Variants in RIN2 observed in about 807,000 individuals in gnomAD.
RIN2 encodes the protein Ras and Rab interactor 2, also known as RAB5 interacting protein 2.
In RIN2, 36 loss-of-function variants were observed where a neutral mutation model predicts 78.0. The observed-to-expected ratio is 0.46, with a 90% CI of 0.35 to 0.61. The LOEUF (loss-of-function observed/expected upper bound fraction) is 0.61. Among genes scored for constraint, RIN2 ranks in the 20% least tolerant of loss-of-function variants. The probability of loss-of-function intolerance (pLI) is 0.00; values close to 1 mark genes in which losing one functional copy is unlikely to be tolerated. For missense variants in RIN2, 1,087 were observed against 1,159.7 expected (o/e 0.94, Z 0.91); for synonymous variants, 466 against 466.8 (o/e 1.00, Z 0.02).
At chr20:19,826,975 GTT>G (rs11482314) in intron 2 of RIN2, among the ~76,000 whole-genome samples, 3 of 128,644 alleles carry the variant, frequency 2.3e-5, no homozygotes, top group East Asian at 2.2e-4. Flanking sequence ...TTGGTTTTGG[GTT>G]TTTTTTTTTT....
At chr20:19,827,228 G>A (rs547292083) in intron 2 of RIN2, among the ~76,000 whole-genome samples, 10 of 152,014 alleles carry the variant, frequency 6.6e-5, no homozygotes, top group South Asian at 2.1e-4. Context: ...TGCCTGCCTC[G>A]GCCTCCCAAA....
chr20:19,810,985 A>G (rs12480405), intron 2 of RIN2, among the ~76,000 whole-genome samples: 20,477 of 151,170 alleles, frequency 0.14, 1,811 homozygotes, highest in African/African-American at 0.25. Flanking sequence ...TGCTGGGATT[A>G]CAGGCGTGAA....
At chr20:19,860,798 T>C (rs2037310557) in intron 2 of RIN2, among the ~76,000 whole-genome samples, 1 of 152,228 alleles carries the variant, frequency 6.6e-6, no homozygotes, top group South Asian at 2.1e-4. Flanking sequence ...CTCACTGGAC[T>C]ATGAGCATAT....
chr20:19,865,682 G>A (rs1286018684), intron 2 of RIN2, among the ~76,000 whole-genome samples: 3 of 151,636 alleles, frequency 2.0e-5, no homozygotes, highest in African/African-American at 7.3e-5. Flanking sequence ...TTGTACAGAT[G>A]GAGGGTCTCA....
At chr20:19,906,703 C>G (rs2123688611) in intron 3 of RIN2, among the ~76,000 whole-genome samples, 1 of 152,286 alleles carries the variant, frequency 6.6e-6, no homozygotes, top group East Asian at 1.9e-4. Flanking sequence ...TTTCAAGAAG[C>G]TGGAAACCTG....
intron 7 of RIN2, among the ~76,000 whole-genome samples, chr20:19,965,462 T>C (rs2041908678): frequency 6.6e-6 from 1 of 152,176 alleles, no homozygotes; most frequent in Admixed American, 6.5e-5. Flanking sequence ...CTCTGAAAAC[T>C]CTGTAAGGGA....
intron 1 of RIN2, among the ~76,000 whole-genome samples, chr20:19,793,045 G>GGGGT (rs34805297): frequency 0.11 from 16,475 of 151,982 alleles, 1,010 homozygotes; most frequent in South Asian, 0.18. Flanking sequence ...GCCCAGCCAA[G>GGGGT]GGGTATTGAT....
Position 19,996,987 on chromosome 20 carries a change from C to T in RIN2, c.2364+145C>T, listed in dbSNP as rs543160962. The T allele has an allele frequency of 7.3e-6, 6 of 826,156 alleles. No homozygotes were observed. The Admixed American group carries it at 1.2e-4, about 16-fold the overall frequency. The allele number at this position is 826,156 out of a possible 1,614,324, so 51.2% of individuals were successfully genotyped here. ...CTCAAACCACCCTCTGGCCTTGTTA[C>T]ACTGATCTGTTTTCTTTACATTTAT... On this transcript the variant is annotated intron_variant, in intron 12 of 12. Coordinates refer to ENST00000255006, the MANE Select transcript of RIN2 (RefSeq NM_018993.4).
chr20:19,893,259 C>T (rs978717728), intron 3 of RIN2, among the ~76,000 whole-genome samples: 28 of 152,162 alleles, frequency 1.8e-4, no homozygotes, highest in Admixed American at 9.2e-4. Flanking sequence ...GCTACCGCAA[C>T]GCACTTCTCA....
intron 5 of RIN2, among the ~76,000 whole-genome samples, chr20:19,958,436 T>C (rs1013405628): frequency 1.3e-5 from 2 of 152,276 alleles, no homozygotes; most frequent in Non-Finnish European, 2.9e-5. Flanking sequence ...CCACTCTTGC[T>C]GAAACCTGCA....
chr20:19,865,927 A>C (rs553823941), intron 2 of RIN2, among the ~76,000 whole-genome samples: 1 of 152,274 alleles, frequency 6.6e-6, no homozygotes, highest in African/African-American at 2.4e-5. Context: ...GTTTCACGGA[A>C]GACAATTTTT....
chr20:19,897,184 C>T (rs997149957), intron 3 of RIN2, among the ~76,000 whole-genome samples: 1 of 152,194 alleles, frequency 6.6e-6, no homozygotes, highest in Non-Finnish European at 1.5e-5. Context: ...CTGCTCACTG[C>T]AACCTCCGCC....
chr20:20,000,671 T>C lies in RIN2; in HGVS notation c.2423T>C (p.Leu808Pro), dbSNP rs1361382671. 1 of 1,612,890 alleles carries C rather than the reference T, an allele frequency of 6.2e-7. No individual in the cohort carries two copies. Among genetic ancestry groups the C allele is most frequent in the Admixed American group, 1.7e-5 (1 of 59,982 alleles). Residue 808 changes from leucine (L) to proline (P), a missense_variant, in exon 13 of 13, where the codon CTT (leucine) becomes CCT (proline). Around this residue, in one of 8 missense-constraint regions of RIN2, gnomAD observed 160 missense variants for 179.4 expected, o/e 0.89. Coordinates refer to ENST00000255006, the MANE Select transcript of RIN2 (RefSeq NM_018993.4). ...AGTGGTTGCACAGGAAAGACCCTCC[T>C]TGTGAGACCTTACATCACCACTGAG... ...VNSGCTGKTL[L>P]VRPYITTEDV...
chr20:19,922,359 C>T (rs184737027), intron 3 of RIN2, among the ~76,000 whole-genome samples: 24 of 152,264 alleles, frequency 1.6e-4, no homozygotes, highest in African/African-American at 5.1e-4. Context: ...TTGGGGGATG[C>T]GCTTCTCTTG....
rs770373710 is a variant in RIN2 at position 19,974,794 on chromosome 20, C to A, written c.769C>A (p.Pro257Thr). 6.2e-7 allele frequency: 1 copy of A among 1,614,012 alleles called. No homozygotes were observed. Among genetic ancestry groups the A allele is most frequent in the Non-Finnish European group, 8.5e-7 (1 of 1,179,902 alleles). The change falls in exon 9 of 13, where the codon CCT (proline) becomes ACT (threonine). Residue 257 changes from proline to threonine, a missense_variant. Around this residue, in one of 8 missense-constraint regions of RIN2, gnomAD observed 706 missense variants for 667.5 expected, o/e 1.06. Coordinates refer to ENST00000255006, the MANE Select transcript of RIN2 (RefSeq NM_018993.4). ...NGVHSIKTRT[P>T]SELECSQTNG... ...AGTGCATTCTATCAAAACCAGGACG[C>A]CTTCAGAGCTGGAGTGCAGCCAGAC...
intron 4 of RIN2, among the ~76,000 whole-genome samples, chr20:19,946,567 T>C (rs889841739): frequency 6.8e-6 from 1 of 147,642 alleles, no homozygotes; most frequent in African/African-American, 2.5e-5. Context: ...AAAATGCACA[T>C]ATTAGTCTGG....
At chr20:19,991,242 A>G (rs536314686) in intron 10 of RIN2, among the ~76,000 whole-genome samples, 11 of 152,322 alleles carry the variant, frequency 7.2e-5, no homozygotes, top group African/African-American at 2.6e-4. Context: ...GCAAGTGAAC[A>G]TCACCTCACA....
At chr20:19,802,395 G>T (rs1028701994) in intron 2 of RIN2, among the ~76,000 whole-genome samples, 1 of 151,966 alleles carries the variant, frequency 6.6e-6, no homozygotes. Context: ...AGCCCTTTGG[G>T]AGGCCAAGGC....
chr20:19,954,459 A>G (rs2041451140), intron 4 of RIN2, among the ~76,000 whole-genome samples: 1 of 152,052 alleles, frequency 6.6e-6, no homozygotes, highest in Admixed American at 6.5e-5. Context: ...GTCAGTTCTG[A>G]GTTTGGTAAA....
Sources: gnomAD v4.1 joint callset for allele counts (sites outside exome capture counted in the v4.1 genomes callset) on GRCh38, gnomAD v4.1.1 for gene constraint, gnomAD v4.1.1 regional missense constraint, MANE v1.5 for transcripts, NCBI Gene and HGNC (gene_info 2026-07-23, HGNC 2026-07-21) for gene names.